CCDC12: variants seen among roughly 807,000 people sequenced by gnomAD.
CCDC12 encodes coiled-coil domain containing 12.
Under a neutral mutation model 25.7 loss-of-function variants are expected in CCDC12, and 28 were observed. That is an observed-to-expected ratio of 1.09 (90% CI 0.81 to 1.50). CCDC12 has a LOEUF of 1.50. CCDC12 is among the 40% of genes most tolerant of loss of function. CCDC12 has a pLI of 0.00. For missense variants in CCDC12, 198 were observed against 210.0 expected (o/e 0.94, Z 0.35); for synonymous variants, 75 against 87.7 (o/e 0.86, Z 0.81).
intron 1 of CCDC12, among the ~76,000 whole-genome samples, chr3:46,954,156 G>C (rs2034215556): frequency 6.6e-6 from 1 of 152,196 alleles, no homozygotes; most frequent in South Asian, 2.1e-4. Context: ...GTCAGTTCCA[G>C]GGACTGGAAC....
chr3:46,950,070 T>C (rs1279640498), intron 1 of CCDC12, among the ~76,000 whole-genome samples: 5 of 150,722 alleles, frequency 3.3e-5, no homozygotes, highest in Non-Finnish European at 5.9e-5. Context: ...CCTGCTGACA[T>C]CTTGCAGTGT....
upstream of CCDC12, among the ~76,000 whole-genome samples, chr3:46,980,078 C>T (rs1289605821): frequency 2.0e-5 from 3 of 151,932 alleles, no homozygotes; most frequent in African/African-American, 4.8e-5. Flanking sequence ...GTGTGTGCCC[C>T]CAGCCCGCCG....
chr3:46,954,374 C>A (rs928493164), intron 1 of CCDC12, among the ~76,000 whole-genome samples: 1 of 152,222 alleles, frequency 6.6e-6, no homozygotes, highest in African/African-American at 2.4e-5. Flanking sequence ...AGACAGCAAG[C>A]AAGGACCTGA....
chr3:46,967,098 C>T (rs1405883412), intron 1 of CCDC12, among the ~76,000 whole-genome samples: 2 of 152,166 alleles, frequency 1.3e-5, no homozygotes, highest in Admixed American at 1.3e-4. Context: ...AGTCCAGATG[C>T]CTGCTTATGT....
chr3:46,977,196 CG>C (rs1390754618), upstream of CCDC12, among the ~76,000 whole-genome samples: 1 of 152,134 alleles, frequency 6.6e-6, no homozygotes, highest in Non-Finnish European at 1.5e-5. Flanking sequence ...TTCCCTGGGC[CG>C]GGCGCGGTGG....
intron 5 of CCDC12, chr3:46,922,584 A>T: frequency 1.9e-6 from 1 of 531,582 alleles, no homozygotes; most frequent in African/African-American, 1.9e-5. Context: ...GGTTTCTCAG[A>T]GACCCTCTCT....
rs1553649460 is a variant in CCDC12, at chr3:46,951,798, AAT to A, written c.97-10735_97-10734del. Among the ~76,000 whole-genome samples the A allele has an allele frequency of 4.8e-3, 41 of 8,468 alleles. 5 individuals are homozygous for A. The highest frequency in any genetic ancestry group is 9.8e-3 in the African/African-American group (40 of 4,070). The allele number at this position is 8,468 out of a possible 152,430, so 5.6% of individuals were successfully genotyped here. Reference sequence around the variant, plus strand: ...CCGTCTCAAAAAAAAAAAAAAAAAAAATATATATATATATATATATATATACT... The same window carrying A: ...CCGTCTCAAAAAAAAAAAAAAAAAAAATATATATATATATATATATATACT... On this transcript the variant is annotated intron_variant, in intron 1 of 6. Transcript: ENST00000683445.
At chr3:46,939,939 C>T (rs545666170) in intron 2 of CCDC12, among the ~76,000 whole-genome samples, 1 of 152,086 alleles carries the variant, frequency 6.6e-6, no homozygotes, top group Non-Finnish European at 1.5e-5. Context: ...CCTCCCCTCC[C>T]GCTCCCCCTG....
chr3:46,979,733 C>A, upstream of CCDC12: 1 of 316,596 alleles, frequency 3.2e-6, no homozygotes, highest in South Asian at 1.5e-4. Flanking sequence ...CAGACTTCCC[C>A]AGTAGTACCG....
chr3:46,945,806 C>G (rs1001733542), intron 1 of CCDC12, among the ~76,000 whole-genome samples: 1 of 152,212 alleles, frequency 6.6e-6, no homozygotes, highest in Non-Finnish European at 1.5e-5. Context: ...ATATTGTTCT[C>G]TTAATAGCCT....
chr3:46,924,907 A>C, intron 3 of CCDC12: 1 of 205,392 alleles, frequency 4.9e-6, no homozygotes, highest in Non-Finnish European at 1.0e-5. Flanking sequence ...CCGCAGGACT[A>C]AGAAACTTCC....
intron 2 of CCDC12, among the ~76,000 whole-genome samples, chr3:46,934,235 C>G (rs532150821): frequency 6.6e-6 from 1 of 152,374 alleles, no homozygotes; most frequent in East Asian, 1.9e-4. Context: ...GCATAGCCCA[C>G]TGCCCCTCAC....
Position 46,963,646 on chromosome 3 carries a change from C to T in CCDC12, c.96+12991G>A, listed in dbSNP as rs531229683. On this transcript the variant is annotated intron_variant, in intron 1 of 6. Transcript: ENST00000683445. ...GGTTTTCGTATTTTTTTGGTGGAGA[C>T]CGGGTTTCGCTGTGTTGGCCGGGCT... 7.2e-5 allele frequency among the ~76,000 whole-genome samples: 11 copies of T among 152,348 alleles called. No individual in the cohort carries two copies. In the South Asian group the frequency reaches 2.1e-3, roughly 29 times the overall value.
intron 2 of CCDC12, among the ~76,000 whole-genome samples, chr3:46,928,617 C>T (rs185286197): frequency 1.3e-5 from 2 of 152,212 alleles, no homozygotes; most frequent in East Asian, 3.9e-4. Context: ...ACCATAAGAC[C>T]ATGAAATGGT....
Position 46,922,884 on chromosome 3 carries a change from C to G in CCDC12, c.341+445G>C, listed in dbSNP as rs550627598. On this transcript the variant is annotated intron_variant, in intron 5 of 6. Transcript: ENST00000683445. ...CAAGCCTCCCGGCCCACAGCACCCT[C>G]TCTCCCACTCTCTCTCAGCCTAGCA... is the stretch of plus-strand genomic sequence containing the variant. 4.5e-5 allele frequency: 8 copies of G among 176,570 alleles called. 1 individual carries two copies. The South Asian group carries it at 1.3e-3, about 28-fold the overall frequency. The allele number at this position is 176,570 out of a possible 1,614,324, so 10.9% of individuals were successfully genotyped here. A position where few individuals can be genotyped will look rare whatever the true frequency, so the allele number is the denominator to read the frequency against.
chr3:46,926,178 G>A (rs983073587), intron 2 of CCDC12, among the ~76,000 whole-genome samples: 2 of 152,222 alleles, frequency 1.3e-5, no homozygotes, highest in East Asian at 1.9e-4. Context: ...CCAGAGGGGC[G>A]TGGCTGCCTA....
chr3:46,924,349 T>A (rs549419053), intron 3 of CCDC12, among the ~76,000 whole-genome samples: 1 of 152,290 alleles, frequency 6.6e-6, no homozygotes, highest in Non-Finnish European at 1.5e-5. Context: ...GTTCCTCACC[T>A]CTCTGTCCTG....
At chr3:46,951,798 A>AATATATATATATATATAT (rs1553649460) in intron 1 of CCDC12, among the ~76,000 whole-genome samples, 1 of 8,452 alleles carries the variant, frequency 1.2e-4, no homozygotes, top group African/African-American at 2.5e-4. Flanking sequence ...AAAAAAAAAA[A>AATATATATATATATATAT]ATATATATAT....
intron 1 of CCDC12, among the ~76,000 whole-genome samples, chr3:46,973,778 A>G (rs1253877095): frequency 6.6e-6 from 1 of 151,610 alleles, no homozygotes; most frequent in Non-Finnish European, 1.5e-5. Flanking sequence ...GCGCTCGGCT[A>G]ATTTTTTGTA....
Sources: allele counts gnomAD v4.1 joint callset (sites outside exome capture counted in the v4.1 genomes callset), GRCh38; gene constraint gnomAD v4.1.1; transcripts MANE v1.5; gene names NCBI Gene and HGNC (gene_info 2026-07-23, HGNC 2026-07-21).